The following WDPCP variants were observed in gnomAD, a reference collection of about 807,000 sequenced individuals.
The protein encoded by WDPCP is WD repeat-containing and planar cell polarity effector protein fritz homolog.
WDPCP carries 71 observed loss-of-function variants against 93.1 expected under a neutral mutation model. The observed-to-expected ratio is 0.76, with a 90% confidence interval of 0.63 to 0.93. WDPCP has a LOEUF of 0.93. WDPCP is among the 40% of genes least tolerant of loss of function. The pLI, the probability that WDPCP is intolerant of heterozygous loss-of-function variation, is 0.00. For missense variants in WDPCP, 844 were observed against 887.4 expected, an observed-to-expected ratio of 0.95 and a Z score of 0.62; for synonymous variants, 315 against 315.0, an observed-to-expected ratio of 1.00 and a Z score of 0.00.
chr2:63,603,264 C>G (rs575953457), intron 3 of WDPCP, among the ~76,000 whole-genome samples: 5 of 152,026 alleles, frequency 3.3e-5, no homozygotes, highest in Admixed American at 6.6e-5. Context: ...CATATTTAAC[C>G]ATTCTTGAAC....
chr2:63,723,703 A>G (rs546557587), intron 2 of WDPCP, among the ~76,000 whole-genome samples: 153 of 152,228 alleles, frequency 1.0e-3, no homozygotes, highest in Non-Finnish European at 1.7e-3. Context: ...GGCCCCACCC[A>G]ATGCTGGTTT....
intron 3 of WDPCP, among the ~76,000 whole-genome samples, chr2:63,611,557 T>C (rs1237107692): frequency 1.3e-5 from 2 of 152,180 alleles, no homozygotes; most frequent in African/African-American, 4.8e-5. Flanking sequence ...AATTTGACTA[T>C]GAAAAACAAA....
chr2:63,596,855 A>G (rs1709322038), intron 3 of WDPCP, among the ~76,000 whole-genome samples: 1 of 152,180 alleles, frequency 6.6e-6, no homozygotes, highest in Admixed American at 6.5e-5. Context: ...TTACAGCTCC[A>G]TTATCTTTTG....
At chr2:63,814,351 G>C (rs1670901836) in intron 1 of WDPCP, among the ~76,000 whole-genome samples, 1 of 144,736 alleles carries the variant, frequency 6.9e-6, no homozygotes, top group Admixed American at 6.9e-5. Context: ...TTCCTGGTTT[G>C]AAAAAAAAAA....
chr2:63,655,202 G>C (rs1011496250), intron 2 of WDPCP, among the ~76,000 whole-genome samples: 7 of 152,162 alleles, frequency 4.6e-5, no homozygotes, highest in African/African-American at 7.2e-5. Flanking sequence ...ATAACCCAGA[G>C]AAAGTGTGAC....
chr2:63,706,688 C>T (rs1021200253), intron 2 of WDPCP, among the ~76,000 whole-genome samples: 3 of 143,128 alleles, frequency 2.1e-5, no homozygotes, highest in Non-Finnish European at 4.5e-5. Context: ...GCAATCTCGG[C>T]TCACTGCAAG....
intron 2 of WDPCP, among the ~76,000 whole-genome samples, chr2:63,728,417 A>G (rs1191023251): frequency 6.6e-6 from 1 of 152,160 alleles, no homozygotes; most frequent in Non-Finnish European, 1.5e-5. Context: ...CAAGGCTGAC[A>G]TTGCACTTGT....
At chr2:63,416,309 C>T (rs1384199559) in intron 9 of WDPCP, among the ~76,000 whole-genome samples, 1 of 151,822 alleles carries the variant, frequency 6.6e-6, no homozygotes, top group African/African-American at 2.4e-5. Flanking sequence ...AAGTGATTCT[C>T]CTGCCTCAGC....
Position 63,548,700 on chromosome 2 carries a change from G to A in WDPCP, c.75+39497C>T, listed in dbSNP as rs1705338481. On this transcript the variant is annotated intron_variant, in intron 1 of 17. Transcript: ENST00000272321. Reference sequence around the variant, plus strand: ...TTTGAGACCGAGCTCTCGCCATGTTGCCCAGGCTGATCTCGAACTCCTGGC... The same window carrying A: ...TTTGAGACCGAGCTCTCGCCATGTTACCCAGGCTGATCTCGAACTCCTGGC... Among the ~76,000 whole-genome samples, 3 of 148,136 alleles carry A rather than the reference G, an allele frequency of 2.0e-5. No homozygotes were observed. In the South Asian group the frequency reaches 6.4e-4, roughly 32 times the overall value.
At chr2:63,572,244 C>CA (rs1707564093) in intron 1 of WDPCP, among the ~76,000 whole-genome samples, 1 of 152,250 alleles carries the variant, frequency 6.6e-6, no homozygotes, top group Non-Finnish European at 1.5e-5. Context: ...AATCTAACAC[C>CA]AATTGTTTCC....
chr2:63,368,297 A>T (rs542063351), intron 12 of WDPCP, among the ~76,000 whole-genome samples: 233 of 147,150 alleles, frequency 1.6e-3, no homozygotes, highest in Admixed American at 3.0e-3. Context: ...GTTTATTTTT[A>T]ATTTATTTAT....
At chr2:63,780,006 G>A (rs1029540462) in intron 2 of WDPCP, among the ~76,000 whole-genome samples, 1 of 152,052 alleles carries the variant, frequency 6.6e-6, no homozygotes, top group Non-Finnish European at 1.5e-5. Flanking sequence ...AGGGTTCTTG[G>A]TATGCAAGGG....
rs748711953 is a variant in WDPCP at position 63,381,933 on chromosome 2, TAAG to T, written c.1594_1596del (p.Leu532del). 15 of 1,613,396 alleles carry T rather than the reference TAAG, an allele frequency of 9.3e-6. No homozygotes were observed. In the Admixed American group the frequency reaches 1.7e-4, roughly 18 times the overall value. ...TCTCTCTCTGGAGTGAGCTTCTGTC[TAAG>T]AAGATGGTTTACAATGGCGCTCATG... On this transcript the variant is annotated inframe_deletion, in exon 11 of 18. Coordinates refer to ENST00000272321, the MANE Select transcript of WDPCP (RefSeq NM_015910.7).
chr2:63,156,516 G>A (rs533110413), intron 15 of WDPCP, among the ~76,000 whole-genome samples: 5 of 152,078 alleles, frequency 3.3e-5, no homozygotes, highest in African/African-American at 4.8e-5. Flanking sequence ...CAGGCAGATC[G>A]CCTGAGTTCA....
chr2:63,614,262 G>C (rs1709649346), intron 3 of WDPCP, among the ~76,000 whole-genome samples: 1 of 151,982 alleles, frequency 6.6e-6, no homozygotes, highest in African/African-American at 2.4e-5. Flanking sequence ...TTCATATTTT[G>C]TATGGCTTCT....
At chr2:63,742,227 A>T (rs1195700539) in intron 2 of WDPCP, among the ~76,000 whole-genome samples, 1 of 152,040 alleles carries the variant, frequency 6.6e-6, no homozygotes, top group Non-Finnish European at 1.5e-5. Context: ...AATGGAAAGA[A>T]AGAAACAGGA....
chr2:63,561,882 G>A (rs924392708), intron 1 of WDPCP, among the ~76,000 whole-genome samples: 4 of 152,160 alleles, frequency 2.6e-5, no homozygotes, highest in South Asian at 2.1e-4. Context: ...AGATGCTGGC[G>A]GGGCTGTGGA....
At chr2:63,310,824 A>G (rs1235304408) in intron 13 of WDPCP, among the ~76,000 whole-genome samples, 1 of 152,192 alleles carries the variant, frequency 6.6e-6, no homozygotes, top group Admixed American at 6.5e-5. Context: ...ACACCACTGC[A>G]TTCCAACCTA....
chr2:63,422,544 T>A (rs1695947011), intron 9 of WDPCP, among the ~76,000 whole-genome samples: 1 of 152,074 alleles, frequency 6.6e-6, no homozygotes, highest in African/African-American at 2.4e-5. Flanking sequence ...AGGAGTTGAG[T>A]GGAAGTGTCT....
Sources: gnomAD v4.1 joint callset for allele counts (sites outside exome capture counted in the v4.1 genomes callset) on GRCh38, gnomAD v4.1.1 for gene constraint, MANE v1.5 for transcripts, NCBI Gene and HGNC (gene_info 2026-07-23, HGNC 2026-07-21) for gene names.